Variants in SBF2 observed in about 807,000 individuals in gnomAD.
SBF2 encodes SET binding factor 2.
SBF2 carries 112 observed loss-of-function variants against 225.2 expected under a neutral mutation model. The observed-to-expected ratio is 0.50, with a 90% CI of 0.43 to 0.58. The LOEUF is 0.58. Ranked by LOEUF, SBF2 falls within the 20% of genes least tolerant of loss-of-function variation. The pLI, the probability that SBF2 is intolerant of heterozygous loss-of-function variation, is 0.00. For synonymous variants in SBF2, 763 were observed against 773.3 expected (o/e 0.99, Z 0.22); for missense variants, 1,996 against 2,206.2 (o/e 0.90, Z 1.91).
At chr11:10,213,997 C>A (rs1368967118) in intron 1 of SBF2, among the ~76,000 whole-genome samples, 1 of 152,212 alleles carries the variant, frequency 6.6e-6, no homozygotes, top group Non-Finnish European at 1.5e-5. Flanking sequence ...ACAAAAGACT[C>A]TTTTAAGCCA....
At chr11:9,950,603 G>A (rs1289361719) in intron 16 of SBF2, among the ~76,000 whole-genome samples, 1 of 152,116 alleles carries the variant, frequency 6.6e-6, no homozygotes, top group Non-Finnish European at 1.5e-5. Context: ...CCTGTCCACT[G>A]GCACAATATT....
intron 16 of SBF2, among the ~76,000 whole-genome samples, chr11:9,927,722 A>G (rs541398089): frequency 1.3e-5 from 2 of 152,326 alleles, no homozygotes; most frequent in Admixed American, 6.5e-5. Flanking sequence ...ATCTGACAAA[A>G]TACCACATCA....
Position 9,779,052 on chromosome 11 carries a change from C to T in SBF2, c.*1366G>A, listed in dbSNP as rs1292660939. 8 of 152,550 alleles carry T rather than the reference C, an allele frequency of 5.2e-5. No individual in the cohort carries two copies. The highest frequency in any genetic ancestry group is 1.9e-4 in the African/African-American group (8 of 41,422). 9.4% of individuals were successfully genotyped at this position (152,550 alleles called of 1,614,324 possible). A position where few individuals can be genotyped will look rare whatever the true frequency, so the allele number is the denominator to read the frequency against. On this transcript the variant is annotated 3_prime_UTR_variant, in exon 40 of 40. Transcript: ENST00000256190. ...AAAGTCCTTCATTCTTAATTATCCC[C>T]AGATTTCTTATATATTAACACAGTT... is the stretch of plus-strand genomic sequence containing the variant.
At chr11:10,256,474 G>A (rs1478137134) in intron 1 of SBF2, among the ~76,000 whole-genome samples, 1 of 152,202 alleles carries the variant, frequency 6.6e-6, no homozygotes, top group Non-Finnish European at 1.5e-5. Context: ...ATATATCACT[G>A]ATGCCAGTTC....
At chr11:10,255,745 G>C (rs1376024341) in intron 1 of SBF2, among the ~76,000 whole-genome samples, 1 of 152,184 alleles carries the variant, frequency 6.6e-6, no homozygotes, top group African/African-American at 2.4e-5. Flanking sequence ...CAAAAAGTCA[G>C]TGTGACTAAT....
chr11:9,821,379 G>A (rs1854744458), intron 28 of SBF2, among the ~76,000 whole-genome samples: 1 of 152,258 alleles, frequency 6.6e-6, no homozygotes, highest in Non-Finnish European at 1.5e-5. Context: ...CCCCCAAACA[G>A]AGGCTCATCA....
chr11:9,841,844 C>G (rs978750044), intron 25 of SBF2, among the ~76,000 whole-genome samples: 7 of 152,134 alleles, frequency 4.6e-5, no homozygotes, highest in African/African-American at 1.7e-4. Flanking sequence ...CACATAGGTT[C>G]TTTATCCCAG....
At chr11:9,830,466 G>A (rs553496799) in intron 27 of SBF2, among the ~76,000 whole-genome samples, 1 of 152,068 alleles carries the variant, frequency 6.6e-6, no homozygotes, top group Non-Finnish European at 1.5e-5. Context: ...TCAGCCAGGC[G>A]CAGTGGTTCA....
chr11:10,089,408 G>A (rs879751630), intron 2 of SBF2, among the ~76,000 whole-genome samples: 1 of 152,120 alleles, frequency 6.6e-6, no homozygotes, highest in Admixed American at 6.6e-5. Flanking sequence ...ACTGTTTCTT[G>A]ATTCTGTATC....
intron 2 of SBF2, among the ~76,000 whole-genome samples, chr11:10,097,331 T>C (rs562799392): frequency 6.6e-6 from 1 of 152,306 alleles, no homozygotes; most frequent in East Asian, 1.9e-4. Flanking sequence ...AAATATCTAT[T>C]CTTTATAAAT....
intron 1 of SBF2, among the ~76,000 whole-genome samples, chr11:10,268,361 T>G (rs1962186474): frequency 1.3e-5 from 2 of 152,300 alleles, no homozygotes; most frequent in East Asian, 1.9e-4. Context: ...AAGGACAGAA[T>G]GTTTGCTTGA....
chr11:9,992,336 T>C (rs1448473570), intron 12 of SBF2, 79 bp downstream of exon 12: 3 of 1,120,652 alleles, frequency 2.7e-6, no homozygotes, highest in African/African-American at 1.6e-5. Context: ...TATATAAATA[T>C]GGAAAATGTT....
At chr11:9,958,906 G>C in intron 16 of SBF2, 1 of 679,494 alleles carries the variant, frequency 1.5e-6, no homozygotes, top group Non-Finnish European at 2.7e-6. Flanking sequence ...CACTATGATG[G>C]GCTATAAGAG....
rs944140393 is a variant in SBF2, at chr11:10,187,973, T to C, written c.141+5929A>G. 2.6e-5 allele frequency among the ~76,000 whole-genome samples: 4 copies of C among 152,280 alleles called. No individual in the cohort carries two copies. In the East Asian group the frequency reaches 7.7e-4, roughly 29 times the overall value. ...ACAACAAATTGTAACATTACAAATA[T>C]TAAAATATTAACAGATGATCATCTA... is the stretch of plus-strand genomic sequence containing the variant. On this transcript the variant is annotated intron_variant, in intron 2 of 39. Transcript: ENST00000256190.
At chr11:9,990,369 G>T (rs891936037) in intron 12 of SBF2, among the ~76,000 whole-genome samples, 1 of 152,154 alleles carries the variant, frequency 6.6e-6, no homozygotes, top group African/African-American at 2.4e-5. Context: ...GGAAGTGTGA[G>T]GACAAGGCCA....
intron 16 of SBF2, among the ~76,000 whole-genome samples, chr11:9,951,918 A>T (rs1373830413): frequency 6.6e-6 from 1 of 152,262 alleles, no homozygotes; most frequent in East Asian, 1.9e-4. Flanking sequence ...TGACAGAAGA[A>T]AATAATGTCC....
intron 14 of SBF2, 116 bp from the exon 15 acceptor site, chr11:9,963,998 C>A: frequency 1.5e-6 from 1 of 672,038 alleles, no homozygotes; most frequent in Non-Finnish European, 2.6e-6. Context: ...CACCCGTAAT[C>A]CCAGCAATTT....
At chr11:10,117,441 A>AAT (rs201113411) in intron 2 of SBF2, among the ~76,000 whole-genome samples, 1 of 120,830 alleles carries the variant, frequency 8.3e-6, no homozygotes, top group Admixed American at 9.4e-5. Context: ...AATCCAACTC[A>AAT]AAAAAAAAAA....
intron 3 of SBF2, among the ~76,000 whole-genome samples, chr11:10,031,444 G>A (rs1949255375): frequency 6.6e-6 from 1 of 152,082 alleles, no homozygotes; most frequent in African/African-American, 2.4e-5. Flanking sequence ...TCCTTTCTGA[G>A]TGAATCAAGG....
Sources: gnomAD v4.1 joint callset for allele counts (sites outside exome capture counted in the v4.1 genomes callset) on GRCh38, gnomAD v4.1.1 for gene constraint, MANE v1.5 for transcripts, NCBI Gene and HGNC (gene_info 2026-07-23, HGNC 2026-07-21) for gene names.